ACOT7: variants seen among roughly 807,000 people sequenced by gnomAD.
ACOT7 encodes the protein acyl-CoA thioesterase 7.
ACOT7 carries 12 observed loss-of-function variants against 40.2 expected under a neutral mutation model. The observed-to-expected ratio is 0.30, with a 90% CI of 0.19 to 0.48. The LOEUF is 0.48. ACOT7 is among the 20% of genes least tolerant of loss of function. ACOT7 has a pLI of 0.99. For synonymous variants in ACOT7, 228 were observed against 219.5 expected, an observed-to-expected ratio of 1.04 and a Z score of -0.34; for missense variants, 395 against 530.8, an observed-to-expected ratio of 0.74 and a Z score of 2.51.
intron 1 of ACOT7, among the ~76,000 whole-genome samples, chr1:6,365,846 C>T (rs1291289097): frequency 6.6e-6 from 1 of 151,596 alleles, no homozygotes; most frequent in Admixed American, 6.6e-5. Context: ...TTTTTGCTGG[C>T]AGAGTCTTGC....
chr1:6,298,124 T>A (rs1639864147), intron 6 of ACOT7, among the ~76,000 whole-genome samples: 1 of 152,132 alleles, frequency 6.6e-6, no homozygotes, highest in Admixed American at 6.6e-5. Flanking sequence ...GCTGGGGGCA[T>A]CAGCATCCCC....
At chr1:6,332,299 G>A (rs550654535) in intron 4 of ACOT7, among the ~76,000 whole-genome samples, 74 of 152,348 alleles carry the variant, frequency 4.9e-4, no homozygotes, top group African/African-American at 1.7e-3. Flanking sequence ...CCTGTGGACC[G>A]CAGGGTCAGG....
At chr1:6,351,852 G>A (rs946395518) in intron 1 of ACOT7, among the ~76,000 whole-genome samples, 3 of 152,268 alleles carry the variant, frequency 2.0e-5, no homozygotes, top group Non-Finnish European at 2.9e-5. Context: ...CTTTCATGCG[G>A]TGGGCACTGA....
chr1:6,312,053 G>A (rs181184398), intron 6 of ACOT7, among the ~76,000 whole-genome samples: 401 of 152,248 alleles, frequency 2.6e-3, no homozygotes, highest in Middle Eastern at 0.024. Flanking sequence ...CATACAGACC[G>A]GATCTGACGG....
chr1:6,345,578 C>G (rs1271738193), intron 2 of ACOT7, among the ~76,000 whole-genome samples: 2 of 152,260 alleles, frequency 1.3e-5, no homozygotes, highest in Non-Finnish European at 2.9e-5. Flanking sequence ...ATAGCTGTCT[C>G]TCTCTGACAT....
intron 1 of ACOT7, among the ~76,000 whole-genome samples, chr1:6,378,741 C>T (rs1369584022): frequency 4.0e-5 from 6 of 151,744 alleles, no homozygotes; most frequent in African/African-American, 1.5e-4. Context: ...CACAGATGAA[C>T]ATTTAGGGGG....
chr1:6,383,270 C>T (rs1642381536), intron 1 of ACOT7, among the ~76,000 whole-genome samples: 1 of 149,718 alleles, frequency 6.7e-6, no homozygotes, highest in African/African-American at 2.5e-5. Context: ...TCACTGCAAG[C>T]TCCGCCTCCC....
intron 6 of ACOT7, among the ~76,000 whole-genome samples, chr1:6,305,360 C>T (rs1487466115): frequency 6.8e-6 from 1 of 147,378 alleles, no homozygotes; most frequent in African/African-American, 2.5e-5. Context: ...GAAGGGGCGG[C>T]TGGCCGGGCG....
intron 6 of ACOT7, among the ~76,000 whole-genome samples, chr1:6,302,146 C>T (rs1331007230): frequency 2.0e-5 from 3 of 152,136 alleles, no homozygotes; most frequent in Non-Finnish European, 2.9e-5. Context: ...GAAATCAGGA[C>T]GGTGTAGCAT....
In ACOT7 at chr1:6,264,835, C is replaced by T; in HGVS notation, c.1015-140G>A. The T allele has an allele frequency of 3.6e-6, 3 of 825,852 alleles. No individual in the cohort carries two copies. In the South Asian group the frequency reaches 5.4e-5, roughly 15 times the overall value. The allele number at this position is 825,852 out of a possible 1,614,324, so 51.2% of individuals were successfully genotyped here. On this transcript the variant is annotated intron_variant, in intron 8 of 8. Transcript: ENST00000361521. ...TGCATGCTGAGTACCACGCCTCGGC[C>T]CCGCTGGCCTCCTGGGACTGCCGGG...
At chr1:6,382,527 G>A (rs768143071) in intron 1 of ACOT7, among the ~76,000 whole-genome samples, 1 of 151,686 alleles carries the variant, frequency 6.6e-6, no homozygotes, top group South Asian at 2.1e-4. Context: ...ATACGTATAT[G>A]GTAGCCAGGC....
intron 2 of ACOT7, among the ~76,000 whole-genome samples, chr1:6,345,418 C>G (rs947258913): frequency 3.3e-5 from 5 of 152,252 alleles, no homozygotes; most frequent in African/African-American, 9.6e-5. Flanking sequence ...TGCTTACTAG[C>G]TCTGTGACCT....
chr1:6,285,963 A>C (rs886283932), intron 7 of ACOT7, among the ~76,000 whole-genome samples: 1 of 152,196 alleles, frequency 6.6e-6, no homozygotes, highest in Non-Finnish European at 1.5e-5. Context: ...GGCCCATCCG[A>C]GGAAGGGGAG....
intron 1 of ACOT7, among the ~76,000 whole-genome samples, chr1:6,369,676 T>G (rs1243595521): frequency 1.3e-5 from 2 of 152,140 alleles, no homozygotes; most frequent in African/African-American, 4.8e-5. Flanking sequence ...CCTTCCAGGT[T>G]CATGCCATTC....
intron 6 of ACOT7, among the ~76,000 whole-genome samples, chr1:6,307,600 A>G (rs190737536): frequency 6.6e-6 from 1 of 152,388 alleles, no homozygotes; most frequent in African/African-American, 2.4e-5. Context: ...GGTAGAGAGA[A>G]AGAACCAAGA....
intron 3 of ACOT7, among the ~76,000 whole-genome samples, chr1:6,336,116 G>A (rs972712438): frequency 7.2e-5 from 11 of 152,184 alleles, no homozygotes; most frequent in African/African-American, 2.4e-4. Flanking sequence ...GCAGGCCGAG[G>A]CAGGCGGATC....
intron 4 of ACOT7, among the ~76,000 whole-genome samples, chr1:6,329,478 C>A (rs1640896464): frequency 6.6e-6 from 1 of 151,980 alleles, no homozygotes. Context: ...TCAAGAGATG[C>A]CTTTTAAAGG....
chr1:6,317,595 C>T (rs1640528425), intron 6 of ACOT7, among the ~76,000 whole-genome samples: 1 of 152,196 alleles, frequency 6.6e-6, no homozygotes, highest in African/African-American at 2.4e-5. Context: ...CCTGCAAGGC[C>T]CTGCCCTGAC....
At position 6,278,976 on chromosome 1, in the gene ACOT7, C is replaced by CT. The variant is rs1371842580; in HGVS notation, c.1014+2125dup. Among the ~76,000 whole-genome samples, 1 of 152,194 alleles carries CT rather than the reference C, an allele frequency of 6.6e-6. No homozygotes were observed. Among genetic ancestry groups the CT allele is most frequent in the Admixed American group, 6.5e-5 (1 of 15,282 alleles). The stretch of plus-strand genomic sequence containing the variant: ...AGGTAGGGGGCGGGGAAGGAGAGAG[C>CT]TTCGGAAATGTGCCTGGGTCAGGTG... On this transcript the variant is annotated intron_variant, in intron 8 of 8. Coordinates refer to ENST00000361521, the MANE Select transcript of ACOT7 (RefSeq NM_007274.4). The surrounding 1 kb of genome is among the most constrained non-coding windows in gnomAD (Gnocchi z 4.1).
Sources: gnomAD v4.1 joint callset for allele counts (sites outside exome capture counted in the v4.1 genomes callset) on GRCh38, gnomAD v4.1.1 for gene constraint, Gnocchi (gnomAD v3.1) non-coding constraint, MANE v1.5 for transcripts, NCBI Gene and HGNC (gene_info 2026-07-23, HGNC 2026-07-21) for gene names.